SERGEF: variants seen among roughly 807,000 people sequenced by gnomAD.
The protein encoded by SERGEF is secretion regulating guanine nucleotide exchange factor.
Under a neutral mutation model 50.0 loss-of-function variants are expected in SERGEF, and 51 were observed. The observed-to-expected ratio is 1.02, with a 90% CI of 0.81 to 1.29. The LOEUF is 1.29. SERGEF is among the 50% of genes most tolerant of loss of function. SERGEF has a pLI of 0.00. For missense variants in SERGEF, 521 were observed against 557.0 expected, an observed-to-expected ratio of 0.94 and a Z score of 0.65; for synonymous variants, 205 against 212.4, an observed-to-expected ratio of 0.97 and a Z score of 0.30.
chr11:17,792,630 C>T (rs1025108992), intron 10 of SERGEF, among the ~76,000 whole-genome samples: 3 of 152,192 alleles, frequency 2.0e-5, no homozygotes, highest in Non-Finnish European at 4.4e-5. Flanking sequence ...GCAGTACTTC[C>T]AAAGAAAGCT....
chr11:17,859,202 GAAGAA>G, intron 10 of SERGEF, among the ~76,000 whole-genome samples: 2 of 152,182 alleles, frequency 1.3e-5, no homozygotes, highest in African/African-American at 4.8e-5. Context: ...TCAAGGCAGA[GAAGAA>G]AACATTTGTT....
intron 10 of SERGEF, among the ~76,000 whole-genome samples, chr11:17,843,847 G>A (rs1366330682): frequency 6.6e-6 from 1 of 152,148 alleles, no homozygotes; most frequent in Non-Finnish European, 1.5e-5. Flanking sequence ...GGGAAACTGA[G>A]CAAGAGAGAA....
At chr11:17,859,850 T>C (rs1850894709) in intron 10 of SERGEF, among the ~76,000 whole-genome samples, 1 of 152,220 alleles carries the variant, frequency 6.6e-6, no homozygotes. Context: ...CAATCAAATG[T>C]GAAAATAGAG....
chr11:17,947,849 AAAGTGCTTAGCATAAT>A (rs1460826090), intron 9 of SERGEF, among the ~76,000 whole-genome samples: 1 of 152,204 alleles, frequency 6.6e-6, no homozygotes, highest in Non-Finnish European at 1.5e-5. Context: ...TGATGCTTAT[AAAGTGCTTAGCATAAT>A]ACATGGCATG....
intron 8 of SERGEF, among the ~76,000 whole-genome samples, chr11:17,986,904 T>C (rs1003403239): frequency 2.0e-5 from 3 of 152,222 alleles, no homozygotes; most frequent in Non-Finnish European, 2.9e-5. Context: ...TCACCCCTAG[T>C]GGACAGTGGA....
At chr11:17,862,273 T>A (rs1203781939) in intron 10 of SERGEF, among the ~76,000 whole-genome samples, 1 of 152,188 alleles carries the variant, frequency 6.6e-6, no homozygotes, top group South Asian at 2.1e-4. Flanking sequence ...CATGTTAGGA[T>A]GAAGGTGTGA....
rs1851756972 is a variant in SERGEF at position 17,902,047 on chromosome 11, T to C, written c.1012-23803A>G. ...CCAAATCCAAAACTCCATTCTTCCCTTTCACATAGCAGGGTACTTTGTTGG... is the reference window on the plus strand; with the variant it reads ...CCAAATCCAAAACTCCATTCTTCCCCTTCACATAGCAGGGTACTTTGTTGG... On this transcript the variant is annotated intron_variant, in intron 9 of 10. Transcript: ENST00000265965. 2.0e-5 allele frequency among the ~76,000 whole-genome samples: 3 copies of C among 152,334 alleles called. No individual in the cohort carries two copies. In the East Asian group the frequency reaches 5.8e-4, roughly 29 times the overall value.
intron 10 of SERGEF, among the ~76,000 whole-genome samples, chr11:17,862,555 A>T (rs1389523771): frequency 6.6e-6 from 1 of 152,230 alleles, no homozygotes; most frequent in Non-Finnish European, 1.5e-5. Context: ...CAGCACGGTG[A>T]ATGAATAGTC....
At chr11:17,873,913 G>C (rs1042181518) in intron 10 of SERGEF, among the ~76,000 whole-genome samples, 4 of 152,158 alleles carry the variant, frequency 2.6e-5, no homozygotes, top group Non-Finnish European at 5.9e-5. Flanking sequence ...GCCAAAATAA[G>C]CTGCTCCTGG....
intron 10 of SERGEF, among the ~76,000 whole-genome samples, chr11:17,835,555 A>AAT (rs746431630): frequency 1.1e-4 from 17 of 152,114 alleles, no homozygotes; most frequent in Non-Finnish European, 2.2e-4. Flanking sequence ...CTACACCATC[A>AAT]ATTCCTGCCT....
At chr11:17,864,583 G>T (rs1590164357) in intron 10 of SERGEF, among the ~76,000 whole-genome samples, 2 of 152,168 alleles carry the variant, frequency 1.3e-5, no homozygotes, top group Admixed American at 6.5e-5. Flanking sequence ...TGGCCTGTTG[G>T]AGAGGAAAAT....
intron 9 of SERGEF, among the ~76,000 whole-genome samples, chr11:17,919,377 T>C (rs998190715): frequency 4.6e-5 from 7 of 152,086 alleles, no homozygotes; most frequent in Non-Finnish European, 8.8e-5. Flanking sequence ...CCACTGTGAT[T>C]AGACAGGCAA....
rs1264581753 is a variant in SERGEF at position 18,012,826 on chromosome 11, C to T, written c.60+125G>A. On this transcript the variant is annotated intron_variant, in intron 1 of 10. Coordinates refer to ENST00000265965, the MANE Select transcript of SERGEF (RefSeq NM_012139.4). ...CCCCCTCCGCTCCCAGCCCAGGATC[C>T]TTCAACCCAGAGCCCGGCTCGGACC... The T allele has an allele frequency of 2.6e-6, 4 of 1,514,352 alleles. No homozygotes were observed. In the East Asian group the frequency reaches 1.0e-4, roughly 39 times the overall value. 93.8% of individuals were successfully genotyped at this position (1,514,352 alleles called of 1,614,324 possible).
chr11:17,812,123 G>A (rs116195657), intron 10 of SERGEF, among the ~76,000 whole-genome samples: 204 of 152,322 alleles, frequency 1.3e-3, no homozygotes, highest in African/African-American at 4.6e-3. Flanking sequence ...GAGAAGGACA[G>A]AGCTTCCAGC....
intron 10 of SERGEF, among the ~76,000 whole-genome samples, chr11:17,842,128 G>C (rs1022094033): frequency 2.0e-5 from 3 of 152,092 alleles, no homozygotes; most frequent in Non-Finnish European, 2.9e-5. Context: ...AGCTCCTTGA[G>C]GGTGAGGGAT....
At chr11:17,794,324 T>C (rs77374876) in intron 10 of SERGEF, among the ~76,000 whole-genome samples, 4,400 of 152,298 alleles carry the variant, frequency 0.029, 92 homozygotes, top group Non-Finnish European at 0.046. Flanking sequence ...GCTGGAGTTG[T>C]AGCCACTACC....
intron 9 of SERGEF, among the ~76,000 whole-genome samples, chr11:17,905,475 G>A (rs1328243068): frequency 6.6e-6 from 1 of 152,228 alleles, no homozygotes; most frequent in Non-Finnish European, 1.5e-5. Context: ...CAGCCTTGCT[G>A]AACAACCAGC....
chr11:17,988,828 T>TA, intron 7 of SERGEF, 73 bp from the exon 8 acceptor site: 1 of 1,459,902 alleles, frequency 6.8e-7, no homozygotes, highest in Non-Finnish European at 9.4e-7. Context: ...AACAGAAGTC[T>TA]AAAAAATAAG....
intron 8 of SERGEF, among the ~76,000 whole-genome samples, chr11:17,982,286 T>C (rs1853510438): frequency 6.6e-6 from 1 of 152,230 alleles, no homozygotes; most frequent in Non-Finnish European, 1.5e-5. Flanking sequence ...ATTCACTCAC[T>C]GTGCCTCCCC....
Sources: allele counts gnomAD v4.1 joint callset (sites outside exome capture counted in the v4.1 genomes callset), GRCh38; gene constraint gnomAD v4.1.1; transcripts MANE v1.5; gene names NCBI Gene and HGNC (gene_info 2026-07-23, HGNC 2026-07-21).